The following DZANK1 variants were observed in gnomAD, a reference collection of about 807,000 sequenced individuals.
The protein encoded by DZANK1 is double zinc ribbon and ankyrin repeat domains 1, also known as double zinc ribbon and ankyrin repeat-containing protein 1.
In DZANK1, 91 loss-of-function variants were observed where a neutral mutation model predicts 94.5. The observed-to-expected ratio is 0.96, with a 90% CI of 0.81 to 1.15. DZANK1 has a LOEUF of 1.15. DZANK1 is among the 50% of genes most tolerant of loss of function. The probability of loss-of-function intolerance (pLI) is 0.00; values close to 1 mark genes in which losing one functional copy is unlikely to be tolerated. For missense variants in DZANK1, 903 were observed against 916.4 expected, an observed-to-expected ratio of 0.99 and a Z score of 0.19; for synonymous variants, 312 against 325.3, an observed-to-expected ratio of 0.96 and a Z score of 0.44.
intron 10 of DZANK1, 87 bp downstream of exon 10, chr20:18,426,980 C>T (rs1354713414): frequency 1.0e-6 from 1 of 974,470 alleles, no homozygotes; most frequent in Admixed American, 2.9e-5. Flanking sequence ...CTCTCCCCAA[C>T]CCCCTCGGCA....
intron 10 of DZANK1, among the ~76,000 whole-genome samples, chr20:18,422,023 T>C (rs549640529): frequency 6.6e-6 from 1 of 152,338 alleles, no homozygotes; most frequent in African/African-American, 2.4e-5. Context: ...CTCTTAACTG[T>C]GTTCATTGTT....
intron 9 of DZANK1, chr20:18,433,166 T>C (rs75959446): frequency 6.3e-6 from 1 of 158,354 alleles, no homozygotes; most frequent in Non-Finnish European, 1.4e-5. Context: ...ATATTATAGA[T>C]CCTATTGGCA....
chr20:18,463,117 C>T (rs1727858732), intron 2 of DZANK1, among the ~76,000 whole-genome samples: 2 of 152,036 alleles, frequency 1.3e-5, no homozygotes, highest in Non-Finnish European at 2.9e-5. Flanking sequence ...ACCTAGGTGC[C>T]CACCAATGGT....
intron 9 of DZANK1, among the ~76,000 whole-genome samples, chr20:18,431,758 C>T (rs1214400305): frequency 6.6e-6 from 1 of 152,196 alleles, no homozygotes; most frequent in African/African-American, 2.4e-5. Context: ...ATCTGAGCTA[C>T]AAAGTCTGGT....
intron 2 of DZANK1, among the ~76,000 whole-genome samples, chr20:18,462,384 A>C (rs1276716698): frequency 2.6e-5 from 4 of 152,156 alleles, no homozygotes; most frequent in Admixed American, 2.6e-4. Flanking sequence ...GGCAGAGAGA[A>C]GCGTAAGGAG....
intron 8 of DZANK1, chr20:18,433,974 T>C: frequency 1.9e-6 from 1 of 531,050 alleles, no homozygotes; most frequent in Non-Finnish European, 3.3e-6. Context: ...TTTAAATAAT[T>C]ACCTTTATGA....
intron 17 of DZANK1, among the ~76,000 whole-genome samples, chr20:18,392,382 AAC>A (rs1456102754): frequency 6.6e-6 from 1 of 152,200 alleles, no homozygotes; most frequent in Non-Finnish European, 1.5e-5. Context: ...AAAGATAAAG[AAC>A]AGAGTCCCTG....
exon 14 of DZANK1, chr20:18,398,550 G>A (rs761193282): frequency 2.4e-5 from 38 of 1,614,004 alleles, no homozygotes; most frequent in South Asian, 9.9e-5. Context: ...CTGCAATCAA[G>A]GCCCGGAATT....
intron 12 of DZANK1, 124 bp downstream of exon 12, chr20:18,414,224 A>G (rs2057382984): frequency 8.7e-7 from 1 of 1,146,404 alleles, no homozygotes. Flanking sequence ...CCTAGTTGAA[A>G]TTCCATGTGA....
chr20:18,427,128 C>T (rs1349043398), exon 10 of DZANK1: 1 of 1,613,082 alleles, frequency 6.2e-7, no homozygotes, highest in Non-Finnish European at 8.5e-7. Flanking sequence ...AGCAGGATTT[C>T]CTGTACCACA....
chr20:18,401,554 TC>T (rs2056684241), intron 13 of DZANK1, among the ~76,000 whole-genome samples: 1 of 152,208 alleles, frequency 6.6e-6, no homozygotes, highest in Non-Finnish European at 1.5e-5. Flanking sequence ...TTGAGCCATC[TC>T]AAATAGGGCT....
chr20:18,445,627 G>A (rs2058849326), intron 7 of DZANK1, among the ~76,000 whole-genome samples: 1 of 152,168 alleles, frequency 6.6e-6, no homozygotes, highest in African/African-American at 2.4e-5. Context: ...CAGGCCACGT[G>A]TACTGGCTCA....
intron 13 of DZANK1, among the ~76,000 whole-genome samples, chr20:18,408,193 G>A (rs35050571): frequency 0.12 from 18,014 of 152,128 alleles, 1,636 homozygotes; most frequent in East Asian, 0.53. Context: ...GCTCACGCCC[G>A]CTATCCCAGC....
At chr20:18,415,560 G>GT (rs3830934) in intron 10 of DZANK1, 111 bp from the exon 11 acceptor site, 124,325 of 1,188,956 alleles carry the variant, frequency 0.1, 9,282 homozygotes, top group East Asian at 0.51. Context: ...CGGAAATAGT[G>GT]TTTTTTTTGT....
chr20:18,454,413 A>G, intron 4 of DZANK1: 1 of 188,772 alleles, frequency 5.3e-6, no homozygotes, highest in Non-Finnish European at 1.1e-5. Context: ...GGTCAAGCTT[A>G]AGTGAAACCC....
At chr20:18,417,934 A>G (rs1015657973) in intron 10 of DZANK1, among the ~76,000 whole-genome samples, 1 of 151,958 alleles carries the variant, frequency 6.6e-6, no homozygotes, top group African/African-American at 2.4e-5. Context: ...AAAAATACAA[A>G]CATTAGCCGG....
chr20:18,389,877 C>T (rs1345713313), intron 18 of DZANK1, 49 bp from the exon 19 acceptor site: 4 of 1,607,942 alleles, frequency 2.5e-6, no homozygotes, highest in Non-Finnish European at 2.5e-6. Context: ...CTGCACTCAA[C>T]AGCATCCAGT....
intron 17 of DZANK1, among the ~76,000 whole-genome samples, chr20:18,390,862 T>C (rs1400415110): frequency 6.6e-6 from 1 of 151,980 alleles, no homozygotes; most frequent in Non-Finnish European, 1.5e-5. Flanking sequence ...GAAAATATAC[T>C]CCCCTGAGGA....
intron 3 of DZANK1, among the ~76,000 whole-genome samples, chr20:18,457,920 C>T (rs946360202): frequency 2.0e-4 from 30 of 152,308 alleles, no homozygotes; most frequent in South Asian, 8.3e-4. Flanking sequence ...ATCATGACCA[C>T]GCTTGGCGAA....
Sources: gnomAD v4.1 joint callset for allele counts (sites outside exome capture counted in the v4.1 genomes callset) on GRCh38, gnomAD v4.1.1 for gene constraint, MANE v1.5 for transcripts, NCBI Gene and HGNC (gene_info 2026-07-23, HGNC 2026-07-21) for gene names.